Variants in EYS observed in about 807,000 individuals in gnomAD.
The protein encoded by EYS is protein eyes shut homolog.
Under a neutral mutation model 282.1 loss-of-function variants are expected in EYS, and 250 were observed. The ratio of observed to expected loss-of-function variants is 0.89; its 90% CI spans 0.80 to 0.98. EYS has a LOEUF of 0.98. Among genes scored for constraint, EYS ranks in the 50% least tolerant of loss-of-function variants. The pLI is 0.00. For synonymous variants in EYS, 1,355 were observed against 1,282.9 expected, an observed-to-expected ratio of 1.06 and a Z score of -1.20; for missense variants, 4,016 against 3,709.0, an observed-to-expected ratio of 1.08 and a Z score of -2.15.
intron 31 of EYS, among the ~76,000 whole-genome samples, chr6:64,221,884 G>A (rs1486011195): frequency 1.3e-5 from 2 of 151,974 alleles, no homozygotes; most frequent in Non-Finnish European, 2.9e-5. Context: ...TATTATTTGA[G>A]GTTTCAGGCA....
At chr6:64,572,660 T>C (rs907697596) in intron 26 of EYS, among the ~76,000 whole-genome samples, 1 of 152,096 alleles carries the variant, frequency 6.6e-6, no homozygotes, top group Non-Finnish European at 1.5e-5. Flanking sequence ...ATGAGTGAAC[T>C]CCCATTCACA....
intron 33 of EYS, among the ~76,000 whole-genome samples, chr6:64,022,305 CAA>C (rs779134318): frequency 3.4e-4 from 51 of 152,238 alleles, no homozygotes; most frequent in Non-Finnish European, 5.7e-4. Context: ...GGTGGACACA[CAA>C]TATAATATTT....
At chr6:65,547,593 G>A (rs560176740) in intron 2 of EYS, among the ~76,000 whole-genome samples, 1 of 151,842 alleles carries the variant, frequency 6.6e-6, no homozygotes, top group Non-Finnish European at 1.5e-5. Flanking sequence ...ATTGGATTTT[G>A]TATTATCTAA....
At chr6:65,482,417 C>G (rs1353165727) in intron 5 of EYS, among the ~76,000 whole-genome samples, 1 of 152,132 alleles carries the variant, frequency 6.6e-6, no homozygotes, top group Non-Finnish European at 1.5e-5. Flanking sequence ...CTCTGCATGG[C>G]AGGGGGTTAG....
At chr6:64,868,941 T>G (rs1240868537) in intron 19 of EYS, among the ~76,000 whole-genome samples, 1 of 151,504 alleles carries the variant, frequency 6.6e-6, no homozygotes, top group Non-Finnish European at 1.5e-5. Flanking sequence ...ATAATAATAT[T>G]TCACTGTCTA....
At chr6:63,832,699 C>T (rs916346847) in intron 36 of EYS, among the ~76,000 whole-genome samples, 2 of 152,170 alleles carry the variant, frequency 1.3e-5, no homozygotes, top group African/African-American at 4.8e-5. Flanking sequence ...AGAGGGAATA[C>T]TCCCTAACTC....
chr6:64,326,934 C>T (rs578184421), intron 29 of EYS, among the ~76,000 whole-genome samples: 26 of 152,172 alleles, frequency 1.7e-4, no homozygotes, highest in Admixed American at 3.9e-4. Flanking sequence ...TAGTCCAACC[C>T]GAGGGGGTTG....
intron 35 of EYS, among the ~76,000 whole-genome samples, chr6:63,934,758 G>T (rs1765005680): frequency 7.3e-6 from 1 of 137,264 alleles, no homozygotes; most frequent in Admixed American, 7.5e-5. Context: ...GTGGCAGAGG[G>T]GGAGGGGGGA....
chr6:65,622,266 C>G (rs13217609), intron 2 of EYS, among the ~76,000 whole-genome samples: 1 of 64,930 alleles, frequency 1.5e-5, no homozygotes, highest in Non-Finnish European at 2.7e-5. Flanking sequence ...TATTTTTCTT[C>G]TTTATTTCTA....
chr6:65,270,297 T>C (rs999888112), intron 12 of EYS, among the ~76,000 whole-genome samples: 2 of 152,160 alleles, frequency 1.3e-5, no homozygotes, highest in Non-Finnish European at 2.9e-5. Flanking sequence ...ATAATTCTCT[T>C]TGGCTAGATG....
At chr6:65,538,578 A>T (rs1768046700) in intron 2 of EYS, among the ~76,000 whole-genome samples, 1 of 152,188 alleles carries the variant, frequency 6.6e-6, no homozygotes, top group Admixed American at 6.6e-5. Flanking sequence ...TCCCAAAAAA[A>T]GTAGGTAATT....
intron 1 of EYS, among the ~76,000 whole-genome samples, chr6:65,696,356 T>C (rs1310416582): frequency 6.6e-6 from 1 of 152,062 alleles, no homozygotes; most frequent in Non-Finnish European, 1.5e-5. Context: ...TTCGTTGTTT[T>C]CAAATTATAT....
At chr6:64,593,025 A>G in intron 25 of EYS, 92 bp downstream of exon 25, 1 of 982,980 alleles carries the variant, frequency 1.0e-6, no homozygotes, top group Non-Finnish European at 1.4e-6. Context: ...TATCTCAGAA[A>G]AAAAAAAGAT....
At chr6:64,372,091 G>T (rs1772392184) in intron 29 of EYS, among the ~76,000 whole-genome samples, 1 of 140,838 alleles carries the variant, frequency 7.1e-6, no homozygotes, top group African/African-American at 2.8e-5. Context: ...AGACTTGTTT[G>T]TGTGGCTGCT....
At chr6:65,699,706 A>T (rs1769589187) in intron 1 of EYS, among the ~76,000 whole-genome samples, 1 of 152,180 alleles carries the variant, frequency 6.6e-6, no homozygotes, top group African/African-American at 2.4e-5. Context: ...CAAGTGCTGG[A>T]ATGACTGGAC....
intron 1 of EYS, among the ~76,000 whole-genome samples, chr6:65,661,755 T>G (rs1768008595): frequency 1.3e-5 from 2 of 152,094 alleles, no homozygotes; most frequent in Admixed American, 6.6e-5. Flanking sequence ...TATGAGCAAA[T>G]GTATGAAGAT....
At chr6:64,425,628 T>C (rs1774379455) in intron 28 of EYS, among the ~76,000 whole-genome samples, 2 of 121,442 alleles carry the variant, frequency 1.6e-5, no homozygotes, top group African/African-American at 6.6e-5. Flanking sequence ...CACTCCAGCC[T>C]GGGCAACAAG....
In EYS at chr6:63,963,280, A is replaced by G. The variant is rs182650685; in HGVS notation, c.7055+21103T>C. ...CTAAAACTTAAAGTATAAAAAAAAA[A>G]GAAATGCTAATTTGAAAAAGCAATA... On this transcript the variant is annotated intron_variant, in intron 35 of 42. Coordinates refer to ENST00000503581, the MANE Select transcript of EYS (RefSeq NM_001142800.2). Among the ~76,000 whole-genome samples, 1,115 of 152,294 alleles carry G rather than the reference A, an allele frequency of 7.3e-3. 16 individuals are homozygous for G. The highest frequency in any genetic ancestry group is 0.024 in the African/African-American group (992 of 41,552).
rs533877118 is a variant in EYS at position 65,018,050 on chromosome 6, C to G, written c.2138-20347G>C. On this transcript the variant is annotated intron_variant, in intron 13 of 42. Coordinates refer to ENST00000503581, the MANE Select transcript of EYS (RefSeq NM_001142800.2). The stretch of plus-strand genomic sequence containing the variant: ...TATGGTGGTCTTTAAGTGGAGAATG[C>G]CAATAAAGATACTTCTACTTTTGAC... 4.6e-5 allele frequency among the ~76,000 whole-genome samples: 7 copies of G among 152,208 alleles called. No homozygotes were observed. In the South Asian group the frequency reaches 1.4e-3, roughly 32 times the overall value.
Sources: gnomAD v4.1 joint callset for allele counts (sites outside exome capture counted in the v4.1 genomes callset) on GRCh38, gnomAD v4.1.1 for gene constraint, MANE v1.5 for transcripts, NCBI Gene and HGNC (gene_info 2026-07-23, HGNC 2026-07-21) for gene names.